DSG2: variants seen among roughly 807,000 people sequenced by gnomAD.
DSG2 encodes desmoglein 2, also known as desmoglein-2.
A neutral mutation model predicts 75.6 loss-of-function variants in DSG2; 45 were observed. That is an observed-to-expected ratio of 0.60 (90% CI 0.47 to 0.76). The LOEUF (loss-of-function observed/expected upper bound fraction) is 0.76, where lower values mean the gene tolerates loss of function less well. Ranked by LOEUF, DSG2 falls within the 30% of genes least tolerant of loss-of-function variation. The pLI is 0.00. For missense variants in DSG2, 1,267 were observed against 1,357.4 expected, an observed-to-expected ratio of 0.93 and a Z score of 1.05; for synonymous variants, 429 against 483.9, an observed-to-expected ratio of 0.89 and a Z score of 1.49.
chr18:31,524,649 A>G, intron 7 of DSG2, 54 bp from the exon 8 acceptor site: 4 of 1,605,104 alleles, frequency 2.5e-6, no homozygotes, highest in Non-Finnish European at 3.4e-6. Context: ...TTAAAAATAT[A>G]TCACTTATAT....
intron 1 of DSG2, 129 bp downstream of exon 1, chr18:31,498,425 C>A: frequency 9.6e-7 from 1 of 1,042,884 alleles, no homozygotes; most frequent in Non-Finnish European, 1.2e-6. Flanking sequence ...TTCCTGCTGC[C>A]CGAGGGGGGA....
In DSG2 at chr18:31,546,009, A is replaced by T; in HGVS notation, c.2623A>T (p.Met875Leu). ...TTCACATTCACTCTGTGAGCAAACT[A>T]TGGTTAATTCAGAGAATACCTACTC... is the stretch of plus-strand genomic sequence containing the variant. ...TASHSLCEQTMVNSENTYSSG... is the reference protein window; with the variant it reads ...TASHSLCEQTLVNSENTYSSG... The change falls in exon 15 of 15, where the codon ATG (methionine) becomes TTG (leucine). Residue 875 changes from methionine (M) to leucine (L), a missense_variant. Physicochemically the swap from Met to Leu is conservative, Grantham distance 15. Coordinates refer to ENST00000261590, the MANE Select transcript of DSG2 (RefSeq NM_001943.5). 6.2e-7 allele frequency: 1 copy of T among 1,614,202 alleles called. No individual in the cohort carries two copies. Among genetic ancestry groups the T allele is most frequent in the Non-Finnish European group, 8.5e-7 (1 of 1,180,040 alleles).
chr18:31,523,602 C>T (rs985612386), intron 6 of DSG2, among the ~76,000 whole-genome samples: 3 of 152,138 alleles, frequency 2.0e-5, no homozygotes, highest in East Asian at 1.9e-4. Flanking sequence ...TTCTAAAGGA[C>T]GGAAAGTTTA....
Position 31,521,198 on chromosome 18 carries a change from A to T in DSG2, c.478A>T (p.Thr160Ser). The T allele has an allele frequency of 6.2e-7, 1 of 1,613,938 alleles. No individual in the cohort carries two copies. The change falls in exon 5 of 15, where the codon ACA (threonine) becomes TCA (serine). Residue 160 changes from threonine (T) to serine (S), a missense_variant. Transcript: ENST00000261590. The stretch of plus-strand genomic sequence containing the variant: ...TATCAATGACAACGAACCAGTGTTC[A>T]CACAGGATGTCTTTGTTGGGTCTGT... ...LDINDNEPVF[T>S]QDVFVGSVEE...
intron 10 of DSG2, among the ~76,000 whole-genome samples, chr18:31,535,971 T>G (rs537788339): frequency 1.3e-5 from 2 of 152,228 alleles, no homozygotes; most frequent in South Asian, 4.2e-4. Context: ...TAAAAAAATT[T>G]TTTAGTAAGA....
rs2073231324 is a variant in DSG2 at position 31,536,404 on chromosome 18, A to G, written c.1626A>G (p.Glu542=). 6.2e-7 allele frequency: 1 copy of G among 1,614,052 alleles called. No individual in the cohort carries two copies. The highest frequency in any genetic ancestry group is 1.3e-5 in the African/African-American group (1 of 75,078). Reference sequence around the variant, plus strand: ...TTGACAAACCACCTGGCATGGCAGAAAAATGGAAAATAGCACGCCAAGAAA... The same window carrying G: ...TTGACAAACCACCTGGCATGGCAGAGAAATGGAAAATAGCACGCCAAGAAA... The part of the protein sequence containing the change: ...SVIDKPPGMA[E]KWKIARQEST... Residue 542 remains glutamate (E), a synonymous_variant, in exon 11 of 15, where the codon GAA becomes GAG. Coordinates refer to ENST00000261590, the MANE Select transcript of DSG2 (RefSeq NM_001943.5).
Position 31,542,559 on chromosome 18 carries a change from C to T in DSG2, c.2041C>T (p.Leu681=). The T allele has an allele frequency of 6.2e-7, 1 of 1,613,972 alleles. No individual in the cohort carries two copies. Among genetic ancestry groups the T allele is most frequent in the Non-Finnish European group, 8.5e-7 (1 of 1,180,006 alleles). The change falls in exon 14 of 15, where the codon CTA becomes TTA. Residue 681 remains leucine, a synonymous_variant. Coordinates refer to ENST00000261590, the MANE Select transcript of DSG2 (RefSeq NM_001943.5). ...SFLPVDQGGS[L]VGRNGVGGMA... is the part of the protein sequence containing the mutation. The stretch of plus-strand genomic sequence containing the variant: ...TCTGCCAGTGGATCAAGGGGGCAGT[C>T]TAGTAGGAAGAAATGGAGTAGGAGG...
intron 6 of DSG2, 44 bp from the exon 7 acceptor site, chr18:31,524,404 A>G (rs888663650): frequency 6.2e-7 from 1 of 1,613,792 alleles, no homozygotes; most frequent in African/African-American, 1.3e-5. Flanking sequence ...CAGATGTAAG[A>G]GTGACTCTTT....
chr18:31,537,006 T>C (rs768281222), intron 11 of DSG2, among the ~76,000 whole-genome samples: 10 of 152,240 alleles, frequency 6.6e-5, no homozygotes, highest in Non-Finnish European at 1.0e-4. Flanking sequence ...CCAGGACATC[T>C]AGACACATGG....
Position 31,546,682 on chromosome 18 carries a change from C to A in DSG2, c.3296C>A (p.Thr1099Asn). 6.2e-7 allele frequency: 1 copy of A among 1,614,170 alleles called. No individual in the cohort carries two copies. Among genetic ancestry groups the A allele is most frequent in the Non-Finnish European group, 8.5e-7 (1 of 1,180,012 alleles). ...GLEESGHSNS[T>N]ITTSSTRVTK... ...GAGGAATCTGGTCATTCTAATTCTA[C>A]CATAACCACATCTTCCACCAGAGTT... is the stretch of plus-strand genomic sequence containing the variant. The change falls in exon 15 of 15, where the codon ACC (threonine) becomes AAC (asparagine). Residue 1099 changes from threonine to asparagine, a missense_variant. Transcript: ENST00000261590.
At position 31,519,882 on chromosome 18, in the gene DSG2, C is replaced by G. The variant is rs549152487; in HGVS notation, c.161C>G (p.Ala54Gly). 6.2e-7 allele frequency: 1 copy of G among 1,614,010 alleles called. No homozygotes were observed. The highest frequency in any genetic ancestry group is 8.5e-7 in the Non-Finnish European group (1 of 1,180,036). Reference protein sequence around the residue: ...LVRQKRAWITAPVALREGEDL... With the variant: ...LVRQKRAWITGPVALREGEDL... ...CGGCAAAAGCGCGCCTGGATCACCG[C>G]CCCCGTGGCTCTTCGGGAGGGAGAG... Residue 54 changes from alanine to glycine, a missense_variant, in exon 3 of 15, where the codon GCC becomes GGC. Coordinates refer to ENST00000261590, the MANE Select transcript of DSG2 (RefSeq NM_001943.5).
intron 2 of DSG2, 138 bp from the exon 3 acceptor site, chr18:31,519,665 G>T: frequency 2.3e-6 from 2 of 870,188 alleles, no homozygotes; most frequent in Non-Finnish European, 3.7e-6. Context: ...TTCCCTTTTA[G>T]ACAATGAAGC....
chr18:31,522,293 T>C (rs772569637), intron 6 of DSG2, 44 bp downstream of exon 6: 2 of 1,550,764 alleles, frequency 1.3e-6, no homozygotes, highest in South Asian at 1.1e-5. Context: ...CTCTCTATCC[T>C]TTCCAGTTTC....
chr18:31,542,662 A>G lies in DSG2; in HGVS notation c.2144A>G (p.Asp715Gly). ...GGGCAACATGAGATGTCCGAGATGG[A>G]TGGAAGGTGGGAAGAACACAGAAGC... is the stretch of plus-strand genomic sequence containing the variant. ...VKGQHEMSEM[D>G]GRWEEHRSLL... The change falls in exon 14 of 15, where the codon GAT becomes GGT. Residue 715 changes from aspartate to glycine, a missense_variant. Coordinates refer to ENST00000261590, the MANE Select transcript of DSG2 (RefSeq NM_001943.5). 1 of 1,614,110 alleles carries G rather than the reference A, an allele frequency of 6.2e-7. No homozygotes were observed. The highest frequency in any genetic ancestry group is 8.5e-7 in the Non-Finnish European group (1 of 1,180,004).
intron 12 of DSG2, among the ~76,000 whole-genome samples, chr18:31,539,575 A>G (rs1033918543): frequency 1.2e-4 from 18 of 152,122 alleles, no homozygotes; most frequent in African/African-American, 4.3e-4. Flanking sequence ...CGCTCCAAAG[A>G]CCTCGGGTTT....
In DSG2 at chr18:31,524,752, T is replaced by TA. The variant is rs1187924885; in HGVS notation, c.882dup (p.Val295SerfsTer6). ...CAAGTCAACGTAGAAGTTACGCGCA[T>TA]AAAAGTGTTCGATGCAGATGAAATA... On this transcript the variant is annotated frameshift_variant, in exon 8 of 15. Coordinates refer to ENST00000261590, the MANE Select transcript of DSG2 (RefSeq NM_001943.5). LOFTEE classifies it high-confidence loss of function. 3.7e-6 allele frequency: 6 copies of TA among 1,614,082 alleles called. No individual in the cohort carries two copies. The highest frequency in any genetic ancestry group is 3.3e-5 in the Admixed American group (2 of 60,006).
chr18:31,510,919 TCCAG>T (rs2073062941), intron 1 of DSG2, among the ~76,000 whole-genome samples: 1 of 152,166 alleles, frequency 6.6e-6, no homozygotes, highest in Non-Finnish European at 1.5e-5. Flanking sequence ...GGCCATTTTG[TCCAG>T]CCACCCCTCC....
chr18:31,531,942 AC>A (rs1291600703), intron 9 of DSG2, among the ~76,000 whole-genome samples: 2 of 152,178 alleles, frequency 1.3e-5, no homozygotes, highest in Non-Finnish European at 2.9e-5. Flanking sequence ...ACCATTCTCT[AC>A]AGAGCTGTTA....
intron 8 of DSG2, among the ~76,000 whole-genome samples, chr18:31,529,171 A>G (rs1474156551): frequency 6.6e-6 from 1 of 152,224 alleles, no homozygotes; most frequent in Non-Finnish European, 1.5e-5. Flanking sequence ...GCAAAAATGG[A>G]AATGATAAAA....
Sources: allele counts gnomAD v4.1 joint callset (sites outside exome capture counted in the v4.1 genomes callset), GRCh38; gene constraint gnomAD v4.1.1; transcripts MANE v1.5; gene names NCBI Gene and HGNC (gene_info 2026-07-23, HGNC 2026-07-21).